Variants in IQCH observed in about 807,000 individuals in gnomAD.
IQCH encodes the protein IQ motif containing H, also known as IQ domain-containing protein H.
IQCH carries 98 observed loss-of-function variants against 117.0 expected under a neutral mutation model. That is an observed-to-expected ratio of 0.84 (90% confidence interval 0.71 to 0.99). The LOEUF (loss-of-function observed/expected upper bound fraction) is 0.99, where lower values mean the gene tolerates loss of function less well. IQCH is among the 50% of genes least tolerant of loss of function. IQCH has a pLI of 0.00. For synonymous variants in IQCH, 412 were observed against 448.2 expected (o/e 0.92, Z 1.02); for missense variants, 1,102 against 1,243.8 (o/e 0.89, Z 1.72).
At position 67,476,830 on chromosome 15, in the gene IQCH, C is replaced by G. The variant is rs543007420; in HGVS notation, c.2799+1012C>G. On this transcript the variant is annotated intron_variant, in intron 18 of 20. Transcript: ENST00000335894. The surrounding 1 kb of genome is among the most constrained non-coding windows in gnomAD (Gnocchi z 4.1). ...CTGTACACTCTTACTTATGGAAGAC[C>G]CACTTTACAGCACCTCAAACATCTT... is the stretch of plus-strand genomic sequence containing the variant. 6.6e-6 allele frequency among the ~76,000 whole-genome samples: 1 copy of G among 152,174 alleles called. No individual in the cohort carries two copies. Among genetic ancestry groups the G allele is most frequent in the East Asian group, 1.9e-4 (1 of 5,188 alleles).
rs541066656 is a variant in IQCH at position 67,475,094 on chromosome 15, C to T, written c.2677-602C>T. Among the ~76,000 whole-genome samples, 1 of 152,118 alleles carries T rather than the reference C, an allele frequency of 6.6e-6. No homozygotes were observed. Among genetic ancestry groups the T allele is most frequent in the East Asian group, 1.9e-4 (1 of 5,176 alleles). ...CCTAAGGAGATATGACAGCTAGTTA[C>T]GGTGCAGTGTCTCAGATGGGGTCCT... On this transcript the variant is annotated intron_variant, in intron 17 of 20. Coordinates refer to ENST00000335894, the MANE Select transcript of IQCH (RefSeq NM_001031715.3). This position sits in a 1 kb window ranked among gnomAD's most constrained non-coding sequence, Gnocchi z 5.7.
intron 14 of IQCH, 87 bp downstream of exon 14, chr15:67,400,392 T>C: frequency 1.1e-6 from 1 of 942,260 alleles, no homozygotes; most frequent in East Asian, 2.5e-5. Context: ...ATGAAAGTAC[T>C]TTCCTCTCTA....
intron 16 of IQCH, among the ~76,000 whole-genome samples, chr15:67,442,305 G>A (rs1266839940): frequency 2.0e-5 from 3 of 152,078 alleles, no homozygotes; most frequent in Non-Finnish European, 2.9e-5. Context: ...AGCTACTCGG[G>A]AGGCTGAGGC....
At chr15:67,316,113 C>T (rs1967832827) in intron 4 of IQCH, among the ~76,000 whole-genome samples, 1 of 152,102 alleles carries the variant, frequency 6.6e-6, no homozygotes, top group African/African-American at 2.4e-5. Context: ...TATGAGCTTG[C>T]CTGGGGACCT....
At chr15:67,434,493 C>T (rs964244483) in intron 16 of IQCH, among the ~76,000 whole-genome samples, 5 of 152,126 alleles carry the variant, frequency 3.3e-5, no homozygotes, top group African/African-American at 1.2e-4. Context: ...TTTCTTCATC[C>T]TTTCATCTGT....
At chr15:67,311,465 C>G (rs939937151) in intron 4 of IQCH, among the ~76,000 whole-genome samples, 7 of 150,824 alleles carry the variant, frequency 4.6e-5, no homozygotes, top group Admixed American at 1.3e-4. Flanking sequence ...ATTTATAACT[C>G]TTGATTTCAT....
In IQCH at chr15:67,384,773, G is replaced by A. The variant is rs1039824641; in HGVS notation, c.1373-163G>A. On this transcript the variant is annotated intron_variant, in intron 10 of 20. Transcript: ENST00000335894. This position sits in a 1 kb window ranked among gnomAD's most constrained non-coding sequence, Gnocchi z 4.3. ...TTCCAGAATAATGTTTAATTCCCCC[G>A]AGAAACAAGCACCTCATTCTTCGGG... Among the ~76,000 whole-genome samples, 4 of 151,688 alleles carry A rather than the reference G, an allele frequency of 2.6e-5. No individual in the cohort carries two copies. The highest frequency in any genetic ancestry group is 2.1e-4 in the South Asian group (1 of 4,780).
At chr15:67,420,743 A>G (rs1219435312) in intron 15 of IQCH, among the ~76,000 whole-genome samples, 1 of 152,248 alleles carries the variant, frequency 6.6e-6, no homozygotes, top group East Asian at 1.9e-4. Context: ...AAACACGGCA[A>G]TATCTCTTGG....
intron 6 of IQCH, among the ~76,000 whole-genome samples, chr15:67,345,920 A>G (rs1969367037): frequency 6.6e-6 from 1 of 152,258 alleles, no homozygotes; most frequent in Admixed American, 6.5e-5. Flanking sequence ...GAAGGTATAC[A>G]GGACCGTTCT....
intron 14 of IQCH, among the ~76,000 whole-genome samples, chr15:67,415,248 T>C (rs1304804363): frequency 6.6e-6 from 1 of 152,134 alleles, no homozygotes; most frequent in Non-Finnish European, 1.5e-5. Flanking sequence ...GTATAGGATA[T>C]GAAGGGAGGG....
At chr15:67,451,287 G>A (rs2140990399) in intron 16 of IQCH, among the ~76,000 whole-genome samples, 1 of 152,114 alleles carries the variant, frequency 6.6e-6, no homozygotes, top group East Asian at 1.9e-4. Context: ...GTTTGCTCTT[G>A]CTTTTCTAGT....
In IQCH at chr15:67,424,221, G is replaced by A. The variant is rs2044449878; in HGVS notation, c.2505+2644G>A. On this transcript the variant is annotated intron_variant, in intron 16 of 20. Transcript: ENST00000335894. The surrounding 1 kb of genome is among the most constrained non-coding windows in gnomAD (Gnocchi z 4.9). ...ACTCATCATATTCCCTCTACCACAG[G>A]GCCTAAACATGCTGTTCCTCCACCT... Among the ~76,000 whole-genome samples, 1 of 151,948 alleles carries A rather than the reference G, an allele frequency of 6.6e-6. No homozygotes were observed. Among genetic ancestry groups the A allele is most frequent in the African/African-American group, 2.4e-5 (1 of 41,342 alleles).
Position 67,306,412 on chromosome 15 carries a change from G to A in IQCH, c.387+26900G>A, listed in dbSNP as rs188211033. Among the ~76,000 whole-genome samples the A allele has an allele frequency of 3.1e-3, 474 of 152,130 alleles. 2 individuals are homozygous for A. The highest frequency in any genetic ancestry group is 0.011 in the African/African-American group (437 of 41,536). The stretch of plus-strand genomic sequence containing the variant: ...CATTTTAGAACTAAACACTCAAACG[G>A]GATTATTATTTGGCTGCCGAGGGCC... On this transcript the variant is annotated intron_variant, in intron 4 of 20. Coordinates refer to ENST00000335894, the MANE Select transcript of IQCH (RefSeq NM_001031715.3).
intron 4 of IQCH, among the ~76,000 whole-genome samples, chr15:67,316,098 C>T (rs758961006): frequency 9.2e-5 from 14 of 152,092 alleles, no homozygotes; most frequent in Non-Finnish European, 2.1e-4. Flanking sequence ...TGTACTAATA[C>T]GTTATATGAG....
At chr15:67,333,283 A>G (rs1272650445) in intron 4 of IQCH, among the ~76,000 whole-genome samples, 1 of 152,170 alleles carries the variant, frequency 6.6e-6, no homozygotes, top group Non-Finnish European at 1.5e-5. Context: ...TTAACTACAA[A>G]ACAACAAATC....
rs1033895001 is a variant in IQCH, at chr15:67,333,106, A to G, written c.388-3869A>G. 5.3e-5 allele frequency among the ~76,000 whole-genome samples: 8 copies of G among 152,062 alleles called. No homozygotes were observed. In the East Asian group the frequency reaches 1.3e-3, roughly 26 times the overall value. ...CAGCTCTCTGGGGTCTCTTTTTATAATCCCATTCATGACGATTCCATCCTC... is the reference window on the plus strand; with the variant it reads ...CAGCTCTCTGGGGTCTCTTTTTATAGTCCCATTCATGACGATTCCATCCTC... On this transcript the variant is annotated intron_variant, in intron 4 of 20. Coordinates refer to ENST00000335894, the MANE Select transcript of IQCH (RefSeq NM_001031715.3).
chr15:67,413,828 G>A lies in IQCH; in HGVS notation c.2098-3103G>A, dbSNP rs142438239. 1.5e-4 allele frequency among the ~76,000 whole-genome samples: 23 copies of A among 152,242 alleles called. No homozygotes were observed. The highest frequency in any genetic ancestry group is 3.9e-4 in the Admixed American group (6 of 15,284). On this transcript the variant is annotated intron_variant, in intron 14 of 20. Coordinates refer to ENST00000335894, the MANE Select transcript of IQCH (RefSeq NM_001031715.3). The surrounding 1 kb of genome is among the most constrained non-coding windows in gnomAD (Gnocchi z 5.0). ...GACACGATTACTCCTCCAGATTCCA[G>A]CAGCCGACTTTCCTCTAGGAAATTT... is the stretch of plus-strand genomic sequence containing the variant.
In IQCH at chr15:67,434,144, T is replaced by G. The variant is rs532267769; in HGVS notation, c.2505+12567T>G. 1.4e-4 allele frequency among the ~76,000 whole-genome samples: 22 copies of G among 152,292 alleles called. No homozygotes were observed. In the East Asian group the frequency reaches 2.5e-3, roughly 17 times the overall value. ...ATTTCAGGTATATAATATGTGGTTA[T>G]TAACTATAGTCACCATGCTATACGT... On this transcript the variant is annotated intron_variant, in intron 16 of 20. Coordinates refer to ENST00000335894, the MANE Select transcript of IQCH (RefSeq NM_001031715.3).
rs1351479092 is a variant in IQCH, at chr15:67,356,359, T to C, written c.638-986T>C. On this transcript the variant is annotated intron_variant, in intron 6 of 20. Transcript: ENST00000335894. The surrounding 1 kb of genome is among the most constrained non-coding windows in gnomAD (Gnocchi z 5.3). ...TCAAATGCAACAAAGAAATCCCTTT[T>C]GTGAAGGTGAGTTTCACTGAAAAGG... Among the ~76,000 whole-genome samples, 1 of 152,318 alleles carries C rather than the reference T, an allele frequency of 6.6e-6. No individual in the cohort carries two copies. The highest frequency in any genetic ancestry group is 2.4e-5 in the African/African-American group (1 of 41,576).
Sources: gnomAD v4.1 joint callset for allele counts (sites outside exome capture counted in the v4.1 genomes callset) on GRCh38, gnomAD v4.1.1 for gene constraint, Gnocchi (gnomAD v3.1) non-coding constraint, MANE v1.5 for transcripts, NCBI Gene and HGNC (gene_info 2026-07-23, HGNC 2026-07-21) for gene names.